The following RBMS3 variants were observed in gnomAD, a reference collection of about 807,000 sequenced individuals.
RBMS3 encodes RNA-binding motif, single-stranded-interacting protein 3.
A neutral mutation model predicts 66.8 loss-of-function variants in RBMS3; 27 were observed. That is an observed-to-expected ratio of 0.40 (90% CI 0.30 to 0.56). The LOEUF is 0.56. RBMS3 is among the 20% of genes least tolerant of loss of function. RBMS3 has a pLI of 0.40. For missense variants in RBMS3, 513 were observed against 549.5 expected (o/e 0.93, Z 0.66); for synonymous variants, 188 against 183.0 (o/e 1.03, Z -0.22).
At chr3:29,653,767 A>G (rs918369015) in intron 4 of RBMS3, among the ~76,000 whole-genome samples, 2 of 152,136 alleles carry the variant, frequency 1.3e-5, no homozygotes, top group Non-Finnish European at 2.9e-5. Flanking sequence ...ACCGTAATAT[A>G]TGTCTCTAGT....
intron 6 of RBMS3, among the ~76,000 whole-genome samples, chr3:29,843,094 C>G (rs2058700254): frequency 6.6e-6 from 1 of 152,206 alleles, no homozygotes; most frequent in Non-Finnish European, 1.5e-5. Context: ...AATCAAGCAT[C>G]TATGATAGTG....
chr3:29,605,319 A>C (rs533839586), intron 4 of RBMS3, among the ~76,000 whole-genome samples: 1 of 151,884 alleles, frequency 6.6e-6, no homozygotes, highest in Non-Finnish European at 1.5e-5. Flanking sequence ...AAGGTTGTAT[A>C]CGCTGTTAAC....
intron 14 of RBMS3, among the ~76,000 whole-genome samples, chr3:29,997,983 C>CTGTT (rs983503023): frequency 1.3e-5 from 2 of 152,176 alleles, no homozygotes; most frequent in Admixed American, 1.3e-4. Flanking sequence ...CAAATTGTCC[C>CTGTT]TGTTTGCAGA....
chr3:29,939,821 C>A (rs1405808766), intron 11 of RBMS3, among the ~76,000 whole-genome samples: 1 of 151,832 alleles, frequency 6.6e-6, no homozygotes, highest in African/African-American at 2.4e-5. Flanking sequence ...CCAATACTAA[C>A]CTCATCTAAT....
intron 6 of RBMS3, among the ~76,000 whole-genome samples, chr3:29,816,152 G>A (rs991670968): frequency 2.6e-5 from 4 of 152,000 alleles, no homozygotes; most frequent in African/African-American, 9.7e-5. Flanking sequence ...CATATGGTTT[G>A]ACCTCTTTAA....
intron 1 of RBMS3, among the ~76,000 whole-genome samples, chr3:29,402,827 A>G (rs923559469): frequency 2.6e-5 from 4 of 152,036 alleles, no homozygotes; most frequent in African/African-American, 9.7e-5. Context: ...CTGAAGCTGG[A>G]TTGATAAAGA....
intron 1 of RBMS3, among the ~76,000 whole-genome samples, chr3:29,322,179 CT>C (rs2035047188): frequency 6.6e-6 from 1 of 151,162 alleles, no homozygotes. Flanking sequence ...TCATTTTCTT[CT>C]TTTCTACCGT....
At position 29,846,720 on chromosome 3, in the gene RBMS3, A is replaced by T. The variant is rs185709228; in HGVS notation, c.638-22138A>T. ...AAAAAATGTGATAGAATTTACAAAG[A>T]TAAGCTTATAAATCTAGGAAGATAC... On this transcript the variant is annotated intron_variant, in intron 6 of 14. Transcript: ENST00000383767. Among the ~76,000 whole-genome samples, 876 of 152,332 alleles carry T rather than the reference A, an allele frequency of 5.8e-3. 8 individuals are homozygous for T. The highest frequency in any genetic ancestry group is 8.4e-3 in the Non-Finnish European group (572 of 68,018).
At chr3:29,374,652 A>C (rs2038374154) in intron 1 of RBMS3, among the ~76,000 whole-genome samples, 1 of 152,324 alleles carries the variant, frequency 6.6e-6, no homozygotes, top group South Asian at 2.1e-4. Context: ...CTAAGCTATG[A>C]TGTTTGGTAG....
At chr3:29,930,544 T>C (rs1469568032) in intron 10 of RBMS3, among the ~76,000 whole-genome samples, 1 of 151,988 alleles carries the variant, frequency 6.6e-6, no homozygotes, top group East Asian at 1.9e-4. Context: ...GCTGGATAAT[T>C]ATTTGTCGTG....
At chr3:29,370,152 G>A (rs2038124260) in intron 1 of RBMS3, among the ~76,000 whole-genome samples, 1 of 152,202 alleles carries the variant, frequency 6.6e-6, no homozygotes, top group African/African-American at 2.4e-5. Flanking sequence ...GAACAACCAA[G>A]TTGTCTCGTA....
At chr3:29,431,419 A>C (rs1032891419) in intron 1 of RBMS3, among the ~76,000 whole-genome samples, 2 of 149,206 alleles carry the variant, frequency 1.3e-5, no homozygotes, top group Non-Finnish European at 3.0e-5. Flanking sequence ...CAGCCTCCTG[A>C]GTAGCTGGGA....
At chr3:29,495,094 C>G (rs1055567938) in intron 3 of RBMS3, among the ~76,000 whole-genome samples, 5 of 147,570 alleles carry the variant, frequency 3.4e-5, no homozygotes, top group Admixed American at 2.0e-4. Flanking sequence ...GAAGGATATT[C>G]ATTCATTCAT....
chr3:29,853,423 CTTTTTTTTTT>C lies in RBMS3; in HGVS notation c.638-15422_638-15413del, dbSNP rs71091081. ...TGTATCTTAAGCTACAATTTACTTT[CTTTTTTTTTT>C]TTTTTTTTTTTTGCAGTTGCAAGAT... On this transcript the variant is annotated intron_variant, in intron 6 of 14. Coordinates refer to ENST00000383767, the MANE Select transcript of RBMS3 (RefSeq NM_001003793.3). Among the ~76,000 whole-genome samples the C allele has an allele frequency of 3.5e-5, 3 of 84,542 alleles. 1 individual carries two copies. The highest frequency in any genetic ancestry group is 6.2e-5 in the Non-Finnish European group (3 of 48,530). 55.5% of individuals were successfully genotyped at this position (84,542 alleles called of 152,430 possible).
At chr3:29,294,439 A>G (rs559041851) in intron 1 of RBMS3, among the ~76,000 whole-genome samples, 1 of 150,716 alleles carries the variant, frequency 6.6e-6, no homozygotes, top group African/African-American at 2.5e-5. Context: ...AAACTAATAG[A>G]AAAAAAGAAA....
At chr3:29,289,838 G>T (rs1284215846) in intron 1 of RBMS3, among the ~76,000 whole-genome samples, 1 of 151,694 alleles carries the variant, frequency 6.6e-6, no homozygotes, top group African/African-American at 2.4e-5. Context: ...TAAGAAATTG[G>T]CATATATTAC....
At chr3:29,326,792 G>A (rs1267062195) in intron 1 of RBMS3, among the ~76,000 whole-genome samples, 2 of 150,686 alleles carry the variant, frequency 1.3e-5, no homozygotes, top group Non-Finnish European at 3.0e-5. Context: ...GTGCAGTGGC[G>A]CAATCTCACC....
intron 1 of RBMS3, among the ~76,000 whole-genome samples, chr3:29,350,629 G>C (rs1247977830): frequency 1.3e-5 from 2 of 152,134 alleles, no homozygotes; most frequent in Non-Finnish European, 2.9e-5. Flanking sequence ...CTTATGCTCT[G>C]CTCTGAAAGT....
intron 1 of RBMS3, among the ~76,000 whole-genome samples, chr3:29,341,264 A>G (rs1447120994): frequency 2.6e-5 from 4 of 152,126 alleles, no homozygotes; most frequent in Non-Finnish European, 5.9e-5. Context: ...AGAAGAATCA[A>G]AATGTTTTGT....
Sources: allele counts gnomAD v4.1 joint callset (sites outside exome capture counted in the v4.1 genomes callset), GRCh38; gene constraint gnomAD v4.1.1; transcripts MANE v1.5; gene names NCBI Gene and HGNC (gene_info 2026-07-23, HGNC 2026-07-21).